Variants in PFKFB3 observed in about 807,000 individuals in gnomAD.
PFKFB3 encodes the protein 6-phosphofructo-2-kinase/fructose-2,6-bisphosphatase 3.
PFKFB3 carries 33 observed loss-of-function variants against 68.0 expected under a neutral mutation model. The ratio of observed to expected loss-of-function variants is 0.49; its 90% confidence interval spans 0.37 to 0.65. The LOEUF is 0.65. Among genes scored for constraint, PFKFB3 ranks in the 30% least tolerant of loss-of-function variants. The probability of loss-of-function intolerance (pLI) is 0.00; values close to 1 mark genes in which losing one functional copy is unlikely to be tolerated. For synonymous variants in PFKFB3, 315 were observed against 288.2 expected (o/e 1.09, Z -0.94); for missense variants, 586 against 712.2 (o/e 0.82, Z 2.02).
chr10:6,200,301 T>G (rs1460208616), upstream of PFKFB3, among the ~76,000 whole-genome samples: 1 of 152,088 alleles, frequency 6.6e-6, no homozygotes, highest in Non-Finnish European at 1.5e-5. Context: ...TTTACGTTAT[T>G]GGGAGCGTTT....
Position 6,220,558 on chromosome 10 carries a change from C to G in PFKFB3, c.624-100C>G. On this transcript the variant is annotated intron_variant, in intron 7 of 14. Coordinates refer to ENST00000379775, the MANE Select transcript of PFKFB3 (RefSeq NM_004566.4). The surrounding 1 kb of genome is among the most constrained non-coding windows in gnomAD (Gnocchi z 4.1). ...TGCCCTGGAGGGGCCTACGGTCCCGCCTTGCTGTTCTCTGGGGATCACATC... is the reference window on the plus strand; with the variant it reads ...TGCCCTGGAGGGGCCTACGGTCCCGGCTTGCTGTTCTCTGGGGATCACATC... 1 of 1,094,622 alleles carries G rather than the reference C, an allele frequency of 9.1e-7. No homozygotes were observed. The highest frequency in any genetic ancestry group is 1.4e-6 in the Non-Finnish European group (1 of 728,540). The allele number at this position is 1,094,622 out of a possible 1,614,324, so 67.8% of individuals were successfully genotyped here.
chr10:6,272,365 G>A, the PFKFB3 span, among the ~76,000 whole-genome samples: 1 of 152,182 alleles, frequency 6.6e-6, no homozygotes, highest in South Asian at 2.1e-4. Flanking sequence ...CCTGAATGAT[G>A]CCTTGGATTT....
At chr10:6,159,462 G>C (rs908104164) in intron 1 of PFKFB3, among the ~76,000 whole-genome samples, 1 of 151,978 alleles carries the variant, frequency 6.6e-6, no homozygotes, top group African/African-American at 2.4e-5. Context: ...ACTTTGGGAG[G>C]CTGAGGCGGG....
chr10:6,186,722 T>G (rs558286170), intron 1 of PFKFB3, among the ~76,000 whole-genome samples: 22 of 152,156 alleles, frequency 1.4e-4, no homozygotes, highest in South Asian at 4.1e-4. Context: ...GGTCTCAAAC[T>G]CCTGGTCTCA....
At chr10:6,317,014 C>A in the PFKFB3 span, among the ~76,000 whole-genome samples, 1 of 152,162 alleles carries the variant, frequency 6.6e-6, no homozygotes, top group Non-Finnish European at 1.5e-5. Flanking sequence ...TATGGAGAAT[C>A]TAACTAAAAT....
Position 6,220,290 on chromosome 10 carries a change from A to G in PFKFB3, c.624-368A>G, listed in dbSNP as rs992113053. 6.6e-5 allele frequency among the ~76,000 whole-genome samples: 10 copies of G among 151,682 alleles called. 1 individual carries two copies. The highest frequency in any genetic ancestry group is 2.4e-4 in the African/African-American group (10 of 41,242). ...CTAATTTTTTTTTTCTTTAGTAGAGATGAGGTCTTGCTATGTTGCCCAGGC... is the reference window on the plus strand; with the variant it reads ...CTAATTTTTTTTTTCTTTAGTAGAGGTGAGGTCTTGCTATGTTGCCCAGGC... On this transcript the variant is annotated intron_variant, in intron 7 of 14. Coordinates refer to ENST00000379775, the MANE Select transcript of PFKFB3 (RefSeq NM_004566.4). This position sits in a 1 kb window ranked among gnomAD's most constrained non-coding sequence, Gnocchi z 4.1.
intron 1 of PFKFB3, among the ~76,000 whole-genome samples, chr10:6,145,455 C>T (rs572546185): frequency 6.6e-6 from 1 of 152,282 alleles, no homozygotes; most frequent in Admixed American, 6.5e-5. Flanking sequence ...TCCCGCTTCC[C>T]GCTGCGCTCC....
At chr10:6,303,023 C>T in the PFKFB3 span, among the ~76,000 whole-genome samples, 1 of 152,170 alleles carries the variant, frequency 6.6e-6, no homozygotes, top group South Asian at 2.1e-4. Context: ...ACTCAGGCCT[C>T]CTGTCATCTG....
At chr10:6,202,728 C>G (rs1843413234), upstream of PFKFB3, 7 of 254,022 alleles carry the variant, frequency 2.8e-5, no homozygotes, top group South Asian at 6.6e-4. Flanking sequence ...GGGCGCGCTC[C>G]AGGCCCGGGG....
intron 14 of PFKFB3, among the ~76,000 whole-genome samples, chr10:6,251,572 G>A (rs1846382048): frequency 6.6e-6 from 1 of 152,188 alleles, no homozygotes; most frequent in Non-Finnish European, 1.5e-5. Flanking sequence ...ATTGGTGTGT[G>A]GGGAAGATCA....
At chr10:6,259,570 T>TCCATCCATCCATCCATC (rs370549015), downstream of PFKFB3, among the ~76,000 whole-genome samples, 1 of 28,586 alleles carries the variant, frequency 3.5e-5, no homozygotes, top group African/African-American at 7.4e-5. Context: ...ATCCATCCAC[T>TCCATCCATCCATCCATC]CATCCATCCA....
chr10:6,167,164 C>A (rs1368294546), intron 1 of PFKFB3, among the ~76,000 whole-genome samples: 1 of 152,214 alleles, frequency 6.6e-6, no homozygotes, highest in African/African-American at 2.4e-5. Flanking sequence ...TCCCCTCCAC[C>A]CCATGTGCCT....
intron 1 of PFKFB3, among the ~76,000 whole-genome samples, chr10:6,209,112 A>G (rs996147693): frequency 1.5e-4 from 23 of 152,220 alleles, no homozygotes; most frequent in African/African-American, 5.5e-4. Context: ...TCATGAACGT[A>G]GCAACCTTGC....
the PFKFB3 span, among the ~76,000 whole-genome samples, chr10:6,319,437 T>C: frequency 4.6e-5 from 7 of 152,158 alleles, no homozygotes; most frequent in Non-Finnish European, 2.9e-5. Context: ...TTCTTATTTA[T>C]AAGTGGGAGC....
chr10:6,184,771 C>T (rs1380628349), intron 1 of PFKFB3, among the ~76,000 whole-genome samples: 3 of 121,450 alleles, frequency 2.5e-5, no homozygotes, highest in South Asian at 2.8e-4. Context: ...CGCGCCTGGC[C>T]TTTTTTTTTT....
upstream of PFKFB3, among the ~76,000 whole-genome samples, chr10:6,200,053 A>C (rs1383567171): frequency 1.3e-5 from 2 of 150,640 alleles, no homozygotes; most frequent in African/African-American, 2.5e-5. Flanking sequence ...ACCAACAAAA[A>C]CCCCAGCAAA....
chr10:6,206,896 GGGCTCCTCACATCCCAGA>G (rs1843793323), intron 1 of PFKFB3, among the ~76,000 whole-genome samples: 4 of 130,960 alleles, frequency 3.1e-5, no homozygotes, highest in African/African-American at 1.1e-4. Context: ...CCAGGCAGAG[GGGCTCCTCACATCCCAGA>G]CGATGGGCGG....
At chr10:6,189,913 G>A (rs1174363742) in intron 1 of PFKFB3, among the ~76,000 whole-genome samples, 1 of 152,020 alleles carries the variant, frequency 6.6e-6, no homozygotes, top group Non-Finnish European at 1.5e-5. Flanking sequence ...GGATTCTGTG[G>A]GGAGATATTT....
the PFKFB3 span, among the ~76,000 whole-genome samples, chr10:6,279,305 A>G: frequency 6.0e-4 from 92 of 152,342 alleles, no homozygotes; most frequent in Non-Finnish European, 1.2e-3. Flanking sequence ...TATCTTAGGA[A>G]CATTAGTGGT....
Sources: allele counts gnomAD v4.1 joint callset (sites outside exome capture counted in the v4.1 genomes callset), GRCh38; gene constraint gnomAD v4.1.1; non-coding constraint Gnocchi (gnomAD v3.1); transcripts MANE v1.5; gene names NCBI Gene and HGNC (gene_info 2026-07-23, HGNC 2026-07-21).